IGSF22: variants seen among roughly 807,000 people sequenced by gnomAD.
IGSF22 encodes the protein immunoglobulin superfamily member 22, also known as immunoglobulin superfamily, member 22.
Under a neutral mutation model 127.0 loss-of-function variants are expected in IGSF22, and 119 were observed. The observed-to-expected ratio is 0.94, with a 90% CI of 0.81 to 1.09. The LOEUF is 1.09. Among genes scored for constraint, IGSF22 ranks in the 50% least tolerant of loss-of-function variants. IGSF22 has a pLI of 0.00. For synonymous variants in IGSF22, 568 were observed against 664.7 expected (o/e 0.85, Z 2.24); for missense variants, 1,518 against 1,716.6 (o/e 0.88, Z 2.04).
At chr11:18,710,284 G>A (rs1002103853) in intron 17 of IGSF22, 43 bp downstream of exon 17, 1 of 1,605,222 alleles carries the variant, frequency 6.2e-7, no homozygotes, top group Non-Finnish European at 8.5e-7. Flanking sequence ...CTTTGAATGG[G>A]CTAATTCCAT....
Position 18,709,556 on chromosome 11 carries a change from G to GTCT in IGSF22, c.2826_2828dup (p.Glu942dup). 1 of 1,614,148 alleles carries GTCT rather than the reference G, an allele frequency of 6.2e-7. No individual in the cohort carries two copies. The highest frequency in any genetic ancestry group is 8.5e-7 in the Non-Finnish European group (1 of 1,180,028). On this transcript the variant is annotated inframe_insertion, in exon 18 of 23. Transcript: ENST00000513874. The surrounding 1 kb of genome is among the most constrained non-coding windows in gnomAD (Gnocchi z 4.8). The stretch of plus-strand genomic sequence containing the variant: ...TTGTGCACTTGGACCACTCCTTTGT[G>GTCT]TCTTCAGCCCTCATCTCAAGGATGT...
chr11:18,712,161 C>G lies in IGSF22; in HGVS notation c.2319G>C (p.Gln773His). Residue 773 changes from glutamine to histidine, a missense_variant, in exon 15 of 23, where the codon CAG (glutamine) becomes CAC (histidine). This residue lies in a region of IGSF22 where 1,456 missense variants were observed against 1,644.9 expected (regional missense o/e 0.89). Coordinates refer to ENST00000513874, the MANE Select transcript of IGSF22 (RefSeq NM_173588.4). ...CTGAATTGACTGCCAGGATACGGAACTGGTAGGCTTTTCCCTCTTCCACCT... is the reference window on the plus strand; with the variant it reads ...CTGAATTGACTGCCAGGATACGGAAGTGGTAGGCTTTTCCCTCTTCCACCT... ...TNKVEEGKAY[Q>H]FRILAVNSEG... 6.4e-7 allele frequency: 1 copy of G among 1,551,744 alleles called. No individual in the cohort carries two copies. The highest frequency in any genetic ancestry group is 8.7e-7 in the Non-Finnish European group (1 of 1,147,002).
Position 18,712,212 on chromosome 11 carries a change from G to C in IGSF22, c.2268C>G (p.Gly756=). ...KSWIKIGEVD[G]KVTNFSTNKV... ...TGTTGGTGGAGAAGTTGGTGACTTTGCCGTCCACCTCGCCTATCTTAATCC... is the reference window on the plus strand; with the variant it reads ...TGTTGGTGGAGAAGTTGGTGACTTTCCCGTCCACCTCGCCTATCTTAATCC... Residue 756 remains glycine (G), a synonymous_variant, in exon 15 of 23, where the codon GGC becomes GGG. Transcript: ENST00000513874. The C allele has an allele frequency of 6.4e-7, 1 of 1,551,718 alleles. No homozygotes were observed.
At position 18,717,918 on chromosome 11, in the gene IGSF22, C is replaced by A. The variant is rs775538736; in HGVS notation, c.973+13G>T. 2 of 1,610,650 alleles carry A rather than the reference C, an allele frequency of 1.2e-6. No individual in the cohort carries two copies. Among genetic ancestry groups the A allele is most frequent in the East Asian group, 4.5e-5 (2 of 44,806 alleles). ...CATGTCCTCCTTGTGCCCTTGCATGCCCCCACTCATACCCAGCACTGTGAG... is the reference window on the plus strand; with the variant it reads ...CATGTCCTCCTTGTGCCCTTGCATGACCCCACTCATACCCAGCACTGTGAG... On this transcript the variant is annotated intron_variant, in intron 9 of 22. Coordinates refer to ENST00000513874, the MANE Select transcript of IGSF22 (RefSeq NM_173588.4).
At position 18,709,466 on chromosome 11, in the gene IGSF22, G is replaced by A. The variant is rs1235501331; in HGVS notation, c.2919C>T (p.Phe973=). ...GGLIERQKYF[F]RIRAVNEAGV... is the part of the protein sequence containing the mutation. ...CAGCCTCATTCACAGCCCGGATTCG[G>A]AAGAAGTATTTCTGCCTCTCGATGA... Residue 973 remains phenylalanine (F), a synonymous_variant, in exon 18 of 23, where the codon TTC becomes TTT. Coordinates refer to ENST00000513874, the MANE Select transcript of IGSF22 (RefSeq NM_173588.4). This position sits in a 1 kb window ranked among gnomAD's most constrained non-coding sequence, Gnocchi z 4.8. The A allele has an allele frequency of 6.2e-7, 1 of 1,614,174 alleles. No individual in the cohort carries two copies. The highest frequency in any genetic ancestry group is 1.7e-5 in the Admixed American group (1 of 60,022).
chr11:18,723,135 G>T (rs1262060686), intron 2 of IGSF22, among the ~76,000 whole-genome samples: 2 of 152,150 alleles, frequency 1.3e-5, no homozygotes, highest in African/African-American at 4.8e-5. Flanking sequence ...TATGTTCCCT[G>T]CCTGGGCCCT....
rs1158933786 is a variant in IGSF22, at chr11:18,704,484, G to A, written c.3965C>T (p.Ser1322Leu). ...ASITESLQKK[S>L]KHLM ...GGCTGGAGCTCACATGAGGTGCTTT[G>A]ATTTCTTCTGCAGACTCTCGGTGAT... The change falls in exon 23 of 23, where the codon TCA becomes TTA. Residue 1322 changes from serine to leucine, a missense_variant. Physicochemically the swap from Ser to Leu is moderately radical, Grantham distance 145. This residue lies in a region of IGSF22 where 58 missense variants were observed against 53.0 expected (regional missense o/e 1.10). Transcript: ENST00000513874. 6.4e-7 allele frequency: 1 copy of A among 1,550,616 alleles called. No homozygotes were observed. Among genetic ancestry groups the A allele is most frequent in the Non-Finnish European group, 8.7e-7 (1 of 1,146,262 alleles).
rs760034876 is a variant in IGSF22, at chr11:18,722,016, C to A, written c.135G>T (p.Ser45=). The change falls in exon 3 of 23, where the codon TCG becomes TCT. Residue 45 remains serine, a synonymous_variant. Transcript: ENST00000513874. ...CTAAGCTGAAGAACTCCACTATGCT[C>A]GAGGACTTCCTCCTCACGACCTCCT... The part of the protein sequence containing the change: ...VGEEVVRRKS[S]SIVEFFSLVT... 6.2e-7 allele frequency: 1 copy of A among 1,614,048 alleles called. No homozygotes were observed. Among genetic ancestry groups the A allele is most frequent in the African/African-American group, 1.3e-5 (1 of 75,046 alleles).
At chr11:18,715,034 G>A (rs1181618603) in intron 11 of IGSF22, among the ~76,000 whole-genome samples, 1 of 9,186 alleles carries the variant, frequency 1.1e-4, no homozygotes, top group Non-Finnish European at 2.3e-4. Context: ...TAGACTGTGG[G>A]ATACATACAT....
Position 18,714,659 on chromosome 11 carries a change from A to G in IGSF22, c.1532-35T>C, listed in dbSNP as rs757942810. On this transcript the variant is annotated intron_variant, in intron 11 of 22. Coordinates refer to ENST00000513874, the MANE Select transcript of IGSF22 (RefSeq NM_173588.4). ...AAGGTGGGCAAGGGACTGGCTCAGG[A>G]TGTTGGGGTGGGAGGGACTTCTGGG... 3.7e-6 allele frequency: 6 copies of G among 1,608,762 alleles called. No homozygotes were observed. The African/African-American group carries it at 8.0e-5, about 22-fold the overall frequency.
At position 18,716,727 on chromosome 11, in the gene IGSF22, C is replaced by G. The variant is rs758288492; in HGVS notation, c.1246+1G>C. 1 of 1,613,210 alleles carries G rather than the reference C, an allele frequency of 6.2e-7. No individual in the cohort carries two copies. The highest frequency in any genetic ancestry group is 1.1e-5 in the South Asian group (1 of 91,068). On this transcript the variant is annotated splice_donor_variant, in intron 10 of 22. Coordinates refer to ENST00000513874, the MANE Select transcript of IGSF22 (RefSeq NM_173588.4). LOFTEE classifies it high-confidence loss of function. This position sits in a 1 kb window ranked among gnomAD's most constrained non-coding sequence, Gnocchi z 4.5. ...CCTTAGGCTCTTGCCCAACCACTCA[C>G]GGTCAACAGTGAGCTGGGCCTTTTG...
intron 18 of IGSF22, 110 bp from the exon 19 acceptor site, chr11:18,708,405 A>G: frequency 2.7e-6 from 2 of 734,182 alleles, no homozygotes; most frequent in Non-Finnish European, 4.4e-6. Context: ...TGCCCCCACT[A>G]CAGGCCATAC....
rs1590454156 is a variant in IGSF22, at chr11:18,720,003, T to C, written c.518+61A>G. 4 of 1,611,092 alleles carry C rather than the reference T, an allele frequency of 2.5e-6. No homozygotes were observed. In the East Asian group the frequency reaches 8.9e-5, roughly 36 times the overall value. ...ACTCAGGGCCTTGTTGAGAGGCCTT[T>C]GAGAGGCTTTGGCCTGGATGAGGAG... On this transcript the variant is annotated intron_variant, in intron 6 of 22. Transcript: ENST00000513874.
chr11:18,721,394 C>T (rs548184477), intron 4 of IGSF22, 141 bp downstream of exon 4: 4 of 1,136,216 alleles, frequency 3.5e-6, no homozygotes, highest in African/African-American at 3.1e-5. Flanking sequence ...CCGCGCCTCT[C>T]GGGCAATGAC....
Position 18,714,499 on chromosome 11 carries a change from C to A in IGSF22, c.1656+1G>T, listed in dbSNP as rs1848422571. On this transcript the variant is annotated splice_donor_variant, in intron 12 of 22. Coordinates refer to ENST00000513874, the MANE Select transcript of IGSF22 (RefSeq NM_173588.4). LOFTEE classifies it high-confidence loss of function. ...CCCCTTCCCTGGCCTCTGCTTCAGACCTCCTTGCCATCCTTCAGCCACACA... is the reference window on the plus strand; with the variant it reads ...CCCCTTCCCTGGCCTCTGCTTCAGAACTCCTTGCCATCCTTCAGCCACACA... 3 of 1,614,184 alleles carry A rather than the reference C, an allele frequency of 1.9e-6. No individual in the cohort carries two copies. Among genetic ancestry groups the A allele is most frequent in the East Asian group, 4.5e-5 (2 of 44,878 alleles).
Position 18,705,858 on chromosome 11 carries a change from T to C in IGSF22, c.3869A>G (p.Glu1290Gly). The change falls in exon 22 of 23, where the codon GAG becomes GGG. Residue 1290 changes from glutamate (E) to glycine (G), a missense_variant. Around this residue, in one of 3 missense-constraint regions of IGSF22, gnomAD observed 58 missense variants for 53.0 expected, o/e 1.10. Coordinates refer to ENST00000513874, the MANE Select transcript of IGSF22 (RefSeq NM_173588.4). ...SGDYSVLVEN[E>G]LGKDRSSCTL... ...GCAGCTGCTGCGGTCCTTGCCCAGCTCGTTCTCCACCAGCACGCTGTAATC... is the reference window on the plus strand; with the variant it reads ...GCAGCTGCTGCGGTCCTTGCCCAGCCCGTTCTCCACCAGCACGCTGTAATC... 6.4e-7 allele frequency: 1 copy of C among 1,550,932 alleles called. No homozygotes were observed. The highest frequency in any genetic ancestry group is 8.7e-7 in the Non-Finnish European group (1 of 1,146,912).
chr11:18,713,733 C>A, intron 14 of IGSF22, 119 bp downstream of exon 14: 1 of 836,334 alleles, frequency 1.2e-6, no homozygotes, highest in Admixed American at 2.8e-5. Flanking sequence ...GCCTTCTAGG[C>A]CCATTCCCAG....
In IGSF22 at chr11:18,706,968, C is replaced by G. The variant is rs1564866759; in HGVS notation, c.3526G>C (p.Gly1176Arg). 1 of 1,541,406 alleles carries G rather than the reference C, an allele frequency of 6.5e-7. No homozygotes were observed. The highest frequency in any genetic ancestry group is 1.4e-5 in the African/African-American group (1 of 72,966). The change falls in exon 21 of 23, where the codon GGT becomes CGT. Residue 1176 changes from glycine (G) to arginine (R), a missense_variant. Gly to Arg is a moderately radical substitution (Grantham distance 125). Transcript: ENST00000513874. ...YFRVVARNEI[G>R]DSEPLDSRDT... ...CTGGAGTCAAGTGGCTCACTGTCAC[C>G]GATTTCATTCCGAGCCACCACTCTG... is the stretch of plus-strand genomic sequence containing the variant.
rs1345735478 is a variant in IGSF22 at position 18,721,568 on chromosome 11, G to GAATA, written c.341_344dup (p.Tyr116IlefsTer6). 17 of 1,614,266 alleles carry GAATA rather than the reference G, an allele frequency of 1.1e-5. No homozygotes were observed. Among genetic ancestry groups the GAATA allele is most frequent in the Non-Finnish European group, 1.4e-5 (16 of 1,180,042 alleles). On this transcript the variant is annotated frameshift_variant, in exon 4 of 23. Coordinates refer to ENST00000513874, the MANE Select transcript of IGSF22 (RefSeq NM_173588.4). LOFTEE classifies it high-confidence loss of function. ...CGTGTTCCTTGTTAATGCTGTCGTA[G>GAATA]AATATCTTGGCGGACTCCTTGATGG...
Sources: gnomAD v4.1 joint callset for allele counts (sites outside exome capture counted in the v4.1 genomes callset) on GRCh38, gnomAD v4.1.1 for gene constraint, gnomAD v4.1.1 regional missense constraint, Gnocchi (gnomAD v3.1) non-coding constraint, MANE v1.5 for transcripts, NCBI Gene and HGNC (gene_info 2026-07-23, HGNC 2026-07-21) for gene names.